Variants in ZC4H2 observed in about 807,000 individuals in gnomAD.
ZC4H2 encodes the protein zinc finger C4H2-type containing.
For missense variants in ZC4H2, 137 were observed against 173.9 expected (o/e 0.79, Z 1.19); for synonymous variants, 84 against 66.3 (o/e 1.27, Z -1.30).
At chrX:64,959,775 A>C (rs1453845008) in intron 1 of ZC4H2, among the ~76,000 whole-genome samples, 2 of 110,739 alleles carry the variant, frequency 1.8e-5, no homozygotes, top group Non-Finnish European at 3.8e-5. Context: ...TACTGACGAC[A>C]CCACCACAAC....
rs183030466 is a variant in ZC4H2, at chrX:64,955,701, C to T, written c.53+20624G>A. The stretch of plus-strand genomic sequence containing the variant: ...GAGATTCTTGTCTAACTATTTTTTT[C>T]CTTGCTTATGCCTCTGAAGAATAGA... On this transcript the variant is annotated intron_variant, in intron 1 of 4. Transcript: ENST00000374839. 1.4e-3 allele frequency among the ~76,000 whole-genome samples: 152 copies of T among 111,761 alleles called. 1 individual carries two copies. Among genetic ancestry groups the T allele is most frequent in the Middle Eastern group, 4.6e-3 (1 of 217 alleles).
At chrX:64,986,946 G>C (rs1314258822) in intron 1 of ZC4H2, among the ~76,000 whole-genome samples, 1 of 64,064 alleles carries the variant, frequency 1.6e-5, no homozygotes, top group African/African-American at 9.2e-5. Context: ...TTTTTTTTAT[G>C]AGACGGAGTC....
In ZC4H2 at chrX:64,968,072, A is replaced by T. The variant is rs1001085430; in HGVS notation, c.53+8253T>A. 4.5e-5 allele frequency among the ~76,000 whole-genome samples: 5 copies of T among 112,043 alleles called. No individual in the cohort carries two copies. The Admixed American group carries it at 4.7e-4, about 11-fold the overall frequency. On this transcript the variant is annotated intron_variant, in intron 1 of 4. Transcript: ENST00000374839. ...TTCATATTTATTAAGAATCTATCTA[A>T]GTGACAGGAACTGAAAGCAACCGTC...
intron 1 of ZC4H2, among the ~76,000 whole-genome samples, chrX:64,953,218 T>C (rs1409192803): frequency 1.3e-4 from 14 of 111,730 alleles, no homozygotes; most frequent in Admixed American, 7.7e-4. Context: ...CATAAAAACC[T>C]TAGAAGAAAA....
intron 1 of ZC4H2, among the ~76,000 whole-genome samples, chrX:64,952,854 T>C: frequency 9.0e-6 from 1 of 110,958 alleles, no homozygotes; most frequent in Non-Finnish European, 1.9e-5. Flanking sequence ...AAAAGAGCCC[T>C]CATTGCCAAG....
At position 64,950,713 on chromosome X, in the gene ZC4H2, C is replaced by T. The variant is rs1024991549; in HGVS notation, c.53+25612G>A. On this transcript the variant is annotated intron_variant, in intron 1 of 4. Coordinates refer to ENST00000374839, the MANE Select transcript of ZC4H2 (RefSeq NM_018684.4). ...TCCATTTGCTTGGTAGATCTTCCTC[C>T]ATCCCTTTATTTTAAGCCTATGTGT... Among the ~76,000 whole-genome samples the T allele has an allele frequency of 2.7e-5, 3 of 111,006 alleles. No homozygotes were observed. In the South Asian group the frequency reaches 1.2e-3, roughly 43 times the overall value.
chrX:65,000,395 A>T (rs1407554047), intron 1 of ZC4H2, among the ~76,000 whole-genome samples: 5 of 112,022 alleles, frequency 4.5e-5, no homozygotes, highest in African/African-American at 1.3e-4. Context: ...CAACATCAAC[A>T]AAAAAAGGAC....
At chrX:64,959,058 C>T (rs12009852) in intron 1 of ZC4H2, among the ~76,000 whole-genome samples, 71 of 110,897 alleles carry the variant, frequency 6.4e-4, no homozygotes, top group African/African-American at 2.0e-3. Flanking sequence ...AACTTTCTGG[C>T]CAATTTTATG....
chrX:64,976,619 C>G, upstream of ZC4H2: 2 of 414,753 alleles, frequency 4.8e-6, no homozygotes, highest in East Asian at 4.0e-5. Flanking sequence ...TGCAGCCGCA[C>G]TTTAAATCAA....
chrX:65,032,020 C>T (rs1569235074), intron 1 of ZC4H2, among the ~76,000 whole-genome samples: 1 of 111,384 alleles, frequency 9.0e-6, no homozygotes, highest in Non-Finnish European at 1.9e-5. Flanking sequence ...AATCAGCTTT[C>T]TTTTTTTTCC....
intron 1 of ZC4H2, among the ~76,000 whole-genome samples, chrX:64,997,962 T>G (rs1932452459): frequency 1.8e-5 from 2 of 111,917 alleles, no homozygotes; most frequent in African/African-American, 6.5e-5. Context: ...TAGTATCAAT[T>G]CAAACTAAAT....
intron 1 of ZC4H2, among the ~76,000 whole-genome samples, chrX:65,023,598 C>T (rs1412552727): frequency 9.0e-6 from 1 of 111,623 alleles, no homozygotes; most frequent in Non-Finnish European, 1.9e-5. Context: ...ATTAAAAAGT[C>T]AGGAAACAAG....
At chrX:64,940,131 G>A (rs769133253) in intron 1 of ZC4H2, among the ~76,000 whole-genome samples, 17 of 111,796 alleles carry the variant, frequency 1.5e-4, no homozygotes, top group Non-Finnish European at 1.9e-4. Flanking sequence ...TCACATTTTG[G>A]TTTTGATTTG....
intron 1 of ZC4H2, among the ~76,000 whole-genome samples, chrX:64,982,671 T>C (rs1401169706): frequency 8.9e-6 from 1 of 112,209 alleles, no homozygotes; most frequent in African/African-American, 3.2e-5. Context: ...GATGTGAAGG[T>C]TGTAGCCATT....
intron 1 of ZC4H2, among the ~76,000 whole-genome samples, chrX:65,002,808 T>C (rs1427360656): frequency 1.8e-5 from 2 of 109,797 alleles, no homozygotes; most frequent in African/African-American, 6.7e-5. Context: ...CAGGGTTAAA[T>C]GGATTAAGGG....
intron 1 of ZC4H2, among the ~76,000 whole-genome samples, chrX:64,963,941 G>A (rs1211007402): frequency 1.8e-5 from 2 of 111,467 alleles, no homozygotes; most frequent in Non-Finnish European, 3.8e-5. Flanking sequence ...AATCACAGAA[G>A]GAGAAATACT....
At chrX:65,014,332 G>T (rs1434183648) in intron 1 of ZC4H2, among the ~76,000 whole-genome samples, 1 of 111,440 alleles carries the variant, frequency 9.0e-6, no homozygotes, top group Non-Finnish European at 1.9e-5. Flanking sequence ...GTGTGCCTTG[G>T]TACACTGATT....
chrX:65,006,151 C>T (rs968999874), intron 1 of ZC4H2, among the ~76,000 whole-genome samples: 1 of 111,477 alleles, frequency 9.0e-6, no homozygotes, highest in Non-Finnish European at 1.9e-5. Context: ...GACAGTGTGG[C>T]GATTCCTCAA....
intron 1 of ZC4H2, among the ~76,000 whole-genome samples, chrX:64,942,020 C>T (rs1451693540): frequency 1.8e-5 from 2 of 110,819 alleles, no homozygotes; most frequent in Non-Finnish European, 3.8e-5. Context: ...CCGCCTGGCC[C>T]TGGACTTTTT....
Sources: gnomAD v4.1 joint callset for allele counts (sites outside exome capture counted in the v4.1 genomes callset) on GRCh38, gnomAD v4.1.1 for gene constraint, MANE v1.5 for transcripts, NCBI Gene and HGNC (gene_info 2026-07-23, HGNC 2026-07-21) for gene names.